The following P2RX5 variants were observed in gnomAD, a reference collection of about 807,000 sequenced individuals.
The protein encoded by P2RX5 is purinergic receptor P2X 5.
In P2RX5, 46 loss-of-function variants were observed where a neutral mutation model predicts 54.1. The ratio of observed to expected loss-of-function variants is 0.85; its 90% confidence interval spans 0.67 to 1.09. The LOEUF (loss-of-function observed/expected upper bound fraction) is 1.09. Among genes scored for constraint, P2RX5 ranks in the 50% least tolerant of loss-of-function variants. P2RX5 has a pLI of 0.00. For missense variants in P2RX5, 566 were observed against 549.8 expected (o/e 1.03, Z -0.29); for synonymous variants, 226 against 226.4 (o/e 1.00, Z 0.02).
the P2RX5 span, among the ~76,000 whole-genome samples, chr17:3,722,107 A>G: frequency 6.6e-6 from 1 of 151,918 alleles, no homozygotes; most frequent in Non-Finnish European, 1.5e-5. Flanking sequence ...TGAACCCGGG[A>G]GGCGGAGGTT....
intron 1 of P2RX5, among the ~76,000 whole-genome samples, chr17:3,694,955 A>G (rs956474075): frequency 7.9e-5 from 12 of 152,276 alleles, no homozygotes; most frequent in African/African-American, 2.9e-4. Flanking sequence ...GCTGAGCAAC[A>G]GCACAGCGCC....
chr17:3,696,752 G>C (rs1353440587), upstream of P2RX5, among the ~76,000 whole-genome samples: 5 of 152,162 alleles, frequency 3.3e-5, no homozygotes, highest in African/African-American at 9.6e-5. Context: ...GAAGAGCTCC[G>C]TTTAAAGCAA....
the P2RX5 span, among the ~76,000 whole-genome samples, chr17:3,708,742 G>A: frequency 6.6e-6 from 1 of 151,992 alleles, no homozygotes; most frequent in Non-Finnish European, 1.5e-5. Flanking sequence ...GATTATGTTA[G>A]CCCAAGATGA....
At chr17:3,716,819 G>A in the P2RX5 span, 12 of 1,347,452 alleles carry the variant, frequency 8.9e-6, no homozygotes, top group Admixed American at 1.3e-4. Context: ...CAAAGAGATC[G>A]CCCAATAAAT....
the P2RX5 span, among the ~76,000 whole-genome samples, chr17:3,713,243 C>T: frequency 6.6e-6 from 1 of 152,080 alleles, no homozygotes; most frequent in Non-Finnish European, 1.5e-5. Context: ...CACCTGTAGT[C>T]CCAGCTACGC....
chr17:3,720,614 C>T, the P2RX5 span: 1 of 384,390 alleles, frequency 2.6e-6, no homozygotes, highest in Non-Finnish European at 4.7e-6. Flanking sequence ...TGGAGTTTCG[C>T]TCTTTCGCCC....
In P2RX5 at chr17:3,689,602, A is replaced by G; in HGVS notation, c.643T>C (p.Ser215Pro). The change falls in exon 7 of 12, where the codon TCT (serine) becomes CCT (proline). Residue 215 changes from serine to proline, a missense_variant. Transcript: ENST00000225328. ...CCAAAGTGGCATGATTTCAGGAAAG[A>G]TCTGTCCTTGACGTCCATCACATTG... Reference protein sequence around the residue: ...KSNVMDVKDRSFLKSCHFGPK... With the variant: ...KSNVMDVKDRPFLKSCHFGPK... 1 of 1,614,162 alleles carries G rather than the reference A, an allele frequency of 6.2e-7. No homozygotes were observed. Among genetic ancestry groups the G allele is most frequent in the Non-Finnish European group, 8.5e-7 (1 of 1,180,002 alleles).
At chr17:3,681,999 AT>A in intron 9 of P2RX5, 21 bp from the exon 10 acceptor site, 1 of 1,560,750 alleles carries the variant, frequency 6.4e-7, no homozygotes, top group Non-Finnish European at 8.8e-7. Flanking sequence ...GGGGTTCCTG[AT>A]TCAGAATCCT....
upstream of P2RX5, among the ~76,000 whole-genome samples, chr17:3,697,803 C>A (rs2050786905): frequency 1.3e-5 from 2 of 152,124 alleles, no homozygotes; most frequent in African/African-American, 4.8e-5. Flanking sequence ...TTATTATTGC[C>A]CACCCAAAGT....
chr17:3,693,088 C>A (rs1567739995), intron 1 of P2RX5, among the ~76,000 whole-genome samples: 2 of 89,260 alleles, frequency 2.2e-5, no homozygotes, highest in African/African-American at 8.0e-5. Context: ...CCAAATAATC[C>A]AATTTAAAAA....
At chr17:3,711,672 C>G in the P2RX5 span, among the ~76,000 whole-genome samples, 1 of 151,736 alleles carries the variant, frequency 6.6e-6, no homozygotes. Flanking sequence ...GCGTGAGCCA[C>G]TGCGCCCGGC....
rs371399618 is a variant in P2RX5 at position 3,690,429 on chromosome 17, C to T, written c.531G>A (p.Pro177=). ...GTCCTGAGGCTGCAGCCACTCACTCCGGCCTGGAGCTTGTCTCCAACGGGC... is the reference window on the plus strand; with the variant it reads ...GTCCTGAGGCTGCAGCCACTCACTCTGGCCTGGAGCTTGTCTCCAACGGGC... The part of the protein sequence containing the change: ...AWCPLETSSR[P]EEPFLKEAED... Residue 177 remains proline, a splice_region_variant and synonymous_variant, in exon 5 of 12, where the codon CCG becomes CCA. Coordinates refer to ENST00000225328, the MANE Select transcript of P2RX5 (RefSeq NM_002561.4). 19 of 1,607,700 alleles carry T rather than the reference C, an allele frequency of 1.2e-5. No individual in the cohort carries two copies. Among genetic ancestry groups the T allele is most frequent in the South Asian group, 3.3e-5 (3 of 90,542 alleles).
chr17:3,677,479 C>CA (rs1445962548), intron 11 of P2RX5: 3 of 985,374 alleles, frequency 3.0e-6, no homozygotes, highest in Non-Finnish European at 3.6e-6. Flanking sequence ...TGGTTGCCTC[C>CA]ATGGCCACCT....
At chr17:3,719,850 C>T in the P2RX5 span, among the ~76,000 whole-genome samples, 1 of 152,104 alleles carries the variant, frequency 6.6e-6, no homozygotes, top group Non-Finnish European at 1.5e-5. Flanking sequence ...GCCTCAGCCT[C>T]CCAAGTAGGT....
At chr17:3,701,696 GAAAAA>G in the P2RX5 span, among the ~76,000 whole-genome samples, 1,077 of 73,332 alleles carry the variant, frequency 0.015, 9 homozygotes, top group African/African-American at 0.056. Flanking sequence ...CTCTGTCTCA[GAAAAA>G]AAAAAAAAAA....
At chr17:3,723,685 T>C in the P2RX5 span, 64 of 1,593,580 alleles carry the variant, frequency 4.0e-5, no homozygotes, top group Non-Finnish European at 5.4e-5. Flanking sequence ...CGGCCGCGCT[T>C]ACCTGAACCG....
chr17:3,697,401 C>A (rs916654236), upstream of P2RX5, among the ~76,000 whole-genome samples: 5 of 152,132 alleles, frequency 3.3e-5, no homozygotes, highest in African/African-American at 1.2e-4. Flanking sequence ...CCTGGGTGAG[C>A]GCGGTGTGGT....
chr17:3,715,095 GGAGAGTCCA>G, the P2RX5 span, among the ~76,000 whole-genome samples: 71 of 152,244 alleles, frequency 4.7e-4, 1 homozygote, highest in Non-Finnish European at 8.1e-4. Flanking sequence ...AATCTCTCCT[GGAGAGTCCA>G]ATCCTTCAAG....
At chr17:3,680,960 CGTCCTCCACCCTGCATCCTCCACCCAGT>C (rs2050259597) in intron 10 of P2RX5, among the ~76,000 whole-genome samples, 22 of 129,766 alleles carry the variant, frequency 1.7e-4, no homozygotes, top group Admixed American at 3.0e-4. Context: ...CTCCACCCAG[CGTCCTCCACCCTGCATCCTCCACCCAGT>C]GTCCTCCACC....
Sources: allele counts gnomAD v4.1 joint callset (sites outside exome capture counted in the v4.1 genomes callset), GRCh38; gene constraint gnomAD v4.1.1; transcripts MANE v1.5; gene names NCBI Gene and HGNC (gene_info 2026-07-23, HGNC 2026-07-21).